MRPS27: variants seen among roughly 807,000 people sequenced by gnomAD.
MRPS27 encodes the protein small ribosomal subunit protein mS27.
In MRPS27, 43 loss-of-function variants were observed where a neutral mutation model predicts 48.9. That is an observed-to-expected ratio of 0.88 (90% CI 0.69 to 1.13). MRPS27 has a LOEUF of 1.13. Among genes scored for constraint, MRPS27 ranks in the 50% most tolerant of loss-of-function variants. MRPS27 has a pLI of 0.00. For synonymous variants in MRPS27, 188 were observed against 171.9 expected (o/e 1.09, Z -0.73); for missense variants, 467 against 476.3 (o/e 0.98, Z 0.18).
chr5:72,235,128 G>A (rs186600886), intron 5 of MRPS27, among the ~76,000 whole-genome samples: 132 of 152,194 alleles, frequency 8.7e-4, no homozygotes, highest in African/African-American at 2.6e-3. Flanking sequence ...CAGGTGTGCC[G>A]AAATGGAAAA....
In MRPS27 at chr5:72,310,045, G is replaced by A. The variant is rs532530343; in HGVS notation, c.151+4036C>T. 3.9e-5 allele frequency among the ~76,000 whole-genome samples: 6 copies of A among 152,348 alleles called. No homozygotes were observed. In the East Asian group the frequency reaches 5.8e-4, roughly 15 times the overall value. On this transcript the variant is annotated intron_variant, in intron 2 of 10. Coordinates refer to ENST00000261413, the MANE Select transcript of MRPS27 (RefSeq NM_015084.3). ...AGGGCTGTCAGTATGGAAGACGGGA[G>A]ATACAAATATGGACTGGAGCAAGGC...
intron 4 of MRPS27, among the ~76,000 whole-genome samples, chr5:72,289,762 T>C (rs1472210875): frequency 6.6e-6 from 1 of 152,222 alleles, no homozygotes; most frequent in Non-Finnish European, 1.5e-5. Context: ...TTATATATGT[T>C]AGAAATTTCT....
At chr5:72,261,008 C>T (rs752962911) in intron 4 of MRPS27, among the ~76,000 whole-genome samples, 11 of 152,058 alleles carry the variant, frequency 7.2e-5, no homozygotes, top group Non-Finnish European at 1.3e-4. Flanking sequence ...GGATTACAGG[C>T]GTGTGTCACC....
intron 4 of MRPS27, among the ~76,000 whole-genome samples, chr5:72,283,197 C>T (rs1749576443): frequency 6.6e-6 from 1 of 152,206 alleles, no homozygotes; most frequent in South Asian, 2.1e-4. Context: ...AGACCCCAGT[C>T]ACCTCTTTCT....
chr5:72,232,050 G>A (rs533291760), intron 7 of MRPS27, among the ~76,000 whole-genome samples: 3 of 152,200 alleles, frequency 2.0e-5, no homozygotes, highest in African/African-American at 7.2e-5. Context: ...AAACGGAACT[G>A]CCCTAGAGAA....
intron 4 of MRPS27, among the ~76,000 whole-genome samples, chr5:72,244,287 C>A (rs146777440): frequency 6.4e-4 from 97 of 152,124 alleles, no homozygotes; most frequent in African/African-American, 2.3e-3. Flanking sequence ...TGCAGCATAA[C>A]AACACATTTT....
intron 4 of MRPS27, among the ~76,000 whole-genome samples, chr5:72,290,059 C>A (rs1429327010): frequency 6.6e-6 from 1 of 152,054 alleles, no homozygotes; most frequent in African/African-American, 2.4e-5. Flanking sequence ...CTTGTCATAA[C>A]CATGAAAATA....
At chr5:72,268,531 T>G (rs565791809) in intron 4 of MRPS27, among the ~76,000 whole-genome samples, 1 of 152,196 alleles carries the variant, frequency 6.6e-6, no homozygotes, top group South Asian at 2.1e-4. Context: ...TGGAGGTCTG[T>G]GGAGCTGACA....
chr5:72,303,664 T>A (rs1454916372), intron 2 of MRPS27, among the ~76,000 whole-genome samples: 1 of 151,976 alleles, frequency 6.6e-6, no homozygotes, highest in African/African-American at 2.4e-5. Flanking sequence ...ATAGGAATGA[T>A]AAAATCCAGA....
chr5:72,273,597 C>T (rs184236657), intron 4 of MRPS27, among the ~76,000 whole-genome samples: 6 of 152,252 alleles, frequency 3.9e-5, no homozygotes, highest in Non-Finnish European at 5.9e-5. Context: ...GCAACTGTAA[C>T]ACAATGGTTA....
chr5:72,259,609 T>A lies in MRPS27; in HGVS notation c.282-21481A>T, dbSNP rs1408786779. Among the ~76,000 whole-genome samples the A allele has an allele frequency of 7.2e-5, 11 of 152,196 alleles. 1 individual carries two copies. In the South Asian group the frequency reaches 2.3e-3, roughly 32 times the overall value. ...ATATAAATTAATGATTATAGAAACA[T>A]ACAGAGAAATAAAAATCACTTGGAT... On this transcript the variant is annotated intron_variant, in intron 4 of 10. Transcript: ENST00000261413.
intron 5 of MRPS27, among the ~76,000 whole-genome samples, chr5:72,236,966 C>T: frequency 6.8e-6 from 1 of 146,224 alleles, no homozygotes. Flanking sequence ...GTTGCCTAGG[C>T]TGTAGTGCAG....
At chr5:72,300,567 C>A (rs1750102358) in intron 2 of MRPS27, among the ~76,000 whole-genome samples, 1 of 152,218 alleles carries the variant, frequency 6.6e-6, no homozygotes, top group South Asian at 2.1e-4. Flanking sequence ...CTTTTCCTAT[C>A]TCAGTAAATG....
chr5:72,274,874 G>A (rs1749334383), intron 4 of MRPS27, among the ~76,000 whole-genome samples: 1 of 152,094 alleles, frequency 6.6e-6, no homozygotes, highest in Non-Finnish European at 1.5e-5. Context: ...GTATGCAGTA[G>A]GTGGCTAACT....
chr5:72,297,540 CTA>C (rs1750011910), intron 3 of MRPS27, 90 bp downstream of exon 3: 4 of 731,194 alleles, frequency 5.5e-6, no homozygotes, highest in Non-Finnish European at 8.8e-6. Flanking sequence ...CCTATGCAAA[CTA>C]TTTTTTATTT....
chr5:72,248,869 T>C (rs1265732697), intron 4 of MRPS27, among the ~76,000 whole-genome samples: 1 of 152,154 alleles, frequency 6.6e-6, no homozygotes, highest in East Asian at 1.9e-4. Context: ...ATGTGTCAGA[T>C]CATGGCTGCA....
At chr5:72,319,398 T>C (rs976491105) in intron 1 of MRPS27, among the ~76,000 whole-genome samples, 1 of 152,172 alleles carries the variant, frequency 6.6e-6, no homozygotes, top group African/African-American at 2.4e-5. Flanking sequence ...AGATTAATAC[T>C]GAAAAATTCT....
intron 4 of MRPS27, among the ~76,000 whole-genome samples, chr5:72,260,524 C>A (rs531799627): frequency 6.6e-6 from 1 of 152,164 alleles, no homozygotes; most frequent in South Asian, 2.1e-4. Flanking sequence ...CAAAGCTACA[C>A]TTAAAACATG....
At chr5:72,252,911 G>A (rs144910628) in intron 4 of MRPS27, among the ~76,000 whole-genome samples, 2 of 152,238 alleles carry the variant, frequency 1.3e-5, no homozygotes, top group East Asian at 1.9e-4. Context: ...TCCTCACTGA[G>A]AGGTAAAATA....
Sources: allele counts gnomAD v4.1 joint callset (sites outside exome capture counted in the v4.1 genomes callset), GRCh38; gene constraint gnomAD v4.1.1; transcripts MANE v1.5; gene names NCBI Gene and HGNC (gene_info 2026-07-23, HGNC 2026-07-21).